The following PRDM11 variants were observed in gnomAD, a reference collection of about 807,000 sequenced individuals.
The protein encoded by PRDM11 is PR domain-containing protein 11.
In PRDM11, 20 loss-of-function variants were observed where a neutral mutation model predicts 97.8. The ratio of observed to expected loss-of-function variants is 0.20; its 90% CI spans 0.14 to 0.30. The LOEUF is 0.30. Ranked by LOEUF, PRDM11 falls within the 10% of genes least tolerant of loss-of-function variation. The probability of loss-of-function intolerance (pLI) is 1.00; values close to 1 mark genes in which losing one functional copy is unlikely to be tolerated. For synonymous variants in PRDM11, 599 were observed against 637.7 expected, an observed-to-expected ratio of 0.94 and a Z score of 0.91; for missense variants, 1,139 against 1,555.2, an observed-to-expected ratio of 0.73 and a Z score of 4.50.
rs186521724 is a variant in PRDM11, at chr11:45,154,526, A to G, written c.-7+7649A>G. Among the ~76,000 whole-genome samples the G allele has an allele frequency of 8.0e-4, 122 of 152,260 alleles. 1 individual carries two copies. Among genetic ancestry groups the G allele is most frequent in the Middle Eastern group, 3.4e-3 (1 of 294 alleles). ...GGAAGTGGAGTAGGGGTGGGGGCAG[A>G]TAGCTGCTGCCCATCCTGCTCCCAA... On this transcript the variant is annotated intron_variant, in intron 1 of 7. Coordinates refer to ENST00000683152, the MANE Select transcript of PRDM11 (RefSeq NM_001384648.1).
chr11:45,225,037 C>G (rs1359399846), intron 7 of PRDM11, 194 bp downstream of exon 7: 1 of 1,449,174 alleles, frequency 6.9e-7, no homozygotes, highest in Non-Finnish European at 9.0e-7. Flanking sequence ...CTGCCAGGTG[C>G]TCCATGTGTT....
chr11:45,175,213 G>A (rs1046688360), intron 1 of PRDM11, among the ~76,000 whole-genome samples: 2 of 152,158 alleles, frequency 1.3e-5, no homozygotes, highest in Non-Finnish European at 2.9e-5. Context: ...TTTGACCAAT[G>A]TACAATGACA....
chr11:45,170,100 TG>T (rs1258714552), intron 1 of PRDM11, among the ~76,000 whole-genome samples: 1 of 152,104 alleles, frequency 6.6e-6, no homozygotes, highest in African/African-American at 2.4e-5. Flanking sequence ...GCCAGCACTT[TG>T]GGAGGCTGAG....
intron 1 of PRDM11, among the ~76,000 whole-genome samples, chr11:45,179,940 A>G (rs1431813896): frequency 1.3e-5 from 2 of 152,192 alleles, no homozygotes; most frequent in South Asian, 2.1e-4. Context: ...GTGTTCAGGG[A>G]TCCTTCACAA....
At chr11:45,121,941 C>T (rs924214892) in intron 1 of PRDM11, among the ~76,000 whole-genome samples, 2 of 151,930 alleles carry the variant, frequency 1.3e-5, no homozygotes, top group East Asian at 3.9e-4. Context: ...ACATTTATAG[C>T]CTTAAATGCA....
chr11:45,192,955 G>A (rs949916137), intron 4 of PRDM11, among the ~76,000 whole-genome samples: 1 of 152,206 alleles, frequency 6.6e-6, no homozygotes, highest in Non-Finnish European at 1.5e-5. Context: ...ATATCGTAGT[G>A]ACTACTGAGA....
At chr11:45,122,210 C>CAG (rs1852447118) in intron 1 of PRDM11, among the ~76,000 whole-genome samples, 1 of 117,666 alleles carries the variant, frequency 8.5e-6, no homozygotes, top group Non-Finnish European at 1.9e-5. Flanking sequence ...CAGACACACA[C>CAG]ACACACACAC....
chr11:45,226,118 C>G lies in PRDM11; in HGVS notation c.1493C>G (p.Ser498Trp). The change falls in exon 8 of 8, where the codon TCG becomes TGG. Residue 498 changes from serine to tryptophan, a missense_variant. By Grantham distance (177) the Ser-to-Trp change is radical. Transcript: ENST00000683152. ...ACGGATGAGCCCTCCAAGATGTCAT[C>G]GGCCACCGGGCGCCGAATCCGGCGC... ...TATDEPSKMS[S>W]ATGRRIRRFK... 1 of 1,533,194 alleles carries G rather than the reference C, an allele frequency of 6.5e-7. No homozygotes were observed. Among genetic ancestry groups the G allele is most frequent in the Non-Finnish European group, 8.7e-7 (1 of 1,146,050 alleles). 95.0% of individuals were successfully genotyped at this position (1,533,194 alleles called of 1,614,324 possible).
At chr11:45,210,111 G>A (rs569222848) in intron 5 of PRDM11, among the ~76,000 whole-genome samples, 2 of 152,152 alleles carry the variant, frequency 1.3e-5, no homozygotes, top group East Asian at 1.9e-4. Flanking sequence ...GGCCCGGGCC[G>A]GGCCATGGAA....
intron 1 of PRDM11, among the ~76,000 whole-genome samples, chr11:45,115,452 A>G (rs1381444323): frequency 6.6e-6 from 1 of 151,758 alleles, no homozygotes; most frequent in East Asian, 1.9e-4. Flanking sequence ...CCTATACTCA[A>G]CTATGTCAAT....
intron 1 of PRDM11, among the ~76,000 whole-genome samples, chr11:45,160,976 T>G (rs1355877100): frequency 6.6e-6 from 1 of 152,146 alleles, no homozygotes; most frequent in African/African-American, 2.4e-5. Flanking sequence ...CATGGCTTTG[T>G]GTGACGTCTC....
rs1854409161 is a variant in PRDM11, at chr11:45,232,111, CTTG to C, written c.*3954_*3956del. 3 of 152,194 alleles carry C rather than the reference CTTG, an allele frequency of 2.0e-5. No individual in the cohort carries two copies. In the South Asian group the frequency reaches 6.2e-4, roughly 31 times the overall value. The allele number at this position is 152,194 out of a possible 1,614,324, so 9.4% of individuals were successfully genotyped here. A position where few individuals can be genotyped will look rare whatever the true frequency, so the allele number is the denominator to read the frequency against. On this transcript the variant is annotated 3_prime_UTR_variant, in exon 8 of 8. Transcript: ENST00000683152. The stretch of plus-strand genomic sequence containing the variant: ...CAACCCTTTAATTTAGGAAAAGTAC[CTTG>C]TAATTACTTAAGGTAATGTTTAAAT...
chr11:45,094,665 A>G (rs1484614560), upstream of PRDM11, among the ~76,000 whole-genome samples: 9 of 132,818 alleles, frequency 6.8e-5, no homozygotes, highest in Non-Finnish European at 1.5e-4. Context: ...GAAAGAAGGA[A>G]GGAAGGAGGG....
intron 5 of PRDM11, among the ~76,000 whole-genome samples, chr11:45,217,410 A>G (rs1749117254): frequency 1.3e-5 from 2 of 152,234 alleles, no homozygotes; most frequent in South Asian, 2.1e-4. Flanking sequence ...CCGATGTGAT[A>G]AGAACACCGA....
intron 4 of PRDM11, among the ~76,000 whole-genome samples, chr11:45,198,258 G>T (rs1853203521): frequency 6.6e-6 from 1 of 152,186 alleles, no homozygotes; most frequent in Non-Finnish European, 1.5e-5. Flanking sequence ...TCTAGCTTAA[G>T]TATTCTTCAC....
intron 1 of PRDM11, among the ~76,000 whole-genome samples, chr11:45,137,856 A>G (rs1852905218): frequency 1.3e-5 from 2 of 152,208 alleles, no homozygotes; most frequent in South Asian, 4.1e-4. Flanking sequence ...CTGACCCAGC[A>G]TTACCTTGAA....
At chr11:45,099,519 C>T (rs994921575) in intron 1 of PRDM11, among the ~76,000 whole-genome samples, 1 of 149,562 alleles carries the variant, frequency 6.7e-6, no homozygotes, top group African/African-American at 2.5e-5. Context: ...CAGCCAAGAC[C>T]AGGAGTGAGG....
In PRDM11 at chr11:45,228,015, G is replaced by A; in HGVS notation, c.3390G>A (p.Lys1130=). 6.5e-7 allele frequency: 1 copy of A among 1,533,794 alleles called. No homozygotes were observed. Among genetic ancestry groups the A allele is most frequent in the Non-Finnish European group, 8.7e-7 (1 of 1,146,718 alleles). ...CGCCAATCACCAACTTTGATGCCAA[G>A]CGAGCCCTGGACAGCTGGTTTGAGG... ...NGPPITNFDA[K]RALDSWFEEK... is the part of the protein sequence containing the mutation. The change falls in exon 8 of 8, where the codon AAG becomes AAA. Residue 1130 remains lysine, a synonymous_variant. Coordinates refer to ENST00000683152, the MANE Select transcript of PRDM11 (RefSeq NM_001384648.1).
At chr11:45,218,980 C>T (rs116873118) in intron 5 of PRDM11, among the ~76,000 whole-genome samples, 2 of 152,200 alleles carry the variant, frequency 1.3e-5, no homozygotes, top group Non-Finnish European at 2.9e-5. Context: ...GTAAGATTAA[C>T]CAGTGGTTGT....
Sources: gnomAD v4.1 joint callset for allele counts (sites outside exome capture counted in the v4.1 genomes callset) on GRCh38, gnomAD v4.1.1 for gene constraint, MANE v1.5 for transcripts, NCBI Gene and HGNC (gene_info 2026-07-23, HGNC 2026-07-21) for gene names.